The following RAB3C variants were observed in gnomAD, a reference collection of about 807,000 sequenced individuals.
RAB3C encodes the protein ras-related protein Rab-3C.
RAB3C carries 17 observed loss-of-function variants against 26.4 expected under a neutral mutation model. The ratio of observed to expected loss-of-function variants is 0.64; its 90% CI spans 0.44 to 0.97. The LOEUF (loss-of-function observed/expected upper bound fraction) is 0.97. Ranked by LOEUF, RAB3C falls within the 50% of genes least tolerant of loss-of-function variation. The pLI is 0.00. For missense variants in RAB3C, 242 were observed against 281.9 expected (o/e 0.86, Z 1.01); for synonymous variants, 91 against 95.9 (o/e 0.95, Z 0.30).
At chr5:58,733,583 C>T (rs746237086) in intron 3 of RAB3C, among the ~76,000 whole-genome samples, 1 of 152,174 alleles carries the variant, frequency 6.6e-6, no homozygotes, top group Non-Finnish European at 1.5e-5. Flanking sequence ...TTTTTAAAAA[C>T]ACAGTATTCT....
chr5:58,761,272 T>C (rs1741792606), intron 3 of RAB3C, among the ~76,000 whole-genome samples: 1 of 152,346 alleles, frequency 6.6e-6, no homozygotes, highest in African/African-American at 2.4e-5. Context: ...TAAAATATAT[T>C]GAAGATAATT....
chr5:58,693,753 C>A (rs1454651975), intron 2 of RAB3C, among the ~76,000 whole-genome samples: 5 of 152,140 alleles, frequency 3.3e-5, no homozygotes, highest in Admixed American at 3.3e-4. Flanking sequence ...AACCCAGTGA[C>A]CAGAACATGC....
chr5:58,700,308 G>A (rs961692343), intron 2 of RAB3C, among the ~76,000 whole-genome samples: 2 of 152,148 alleles, frequency 1.3e-5, no homozygotes, highest in South Asian at 2.1e-4. Flanking sequence ...GAAACTTCCA[G>A]GTAATATTAA....
At chr5:58,583,032 T>C, upstream of RAB3C, 1 of 1,441,692 alleles carries the variant, frequency 6.9e-7, no homozygotes, top group South Asian at 1.5e-5. Flanking sequence ...TGCACGGGGC[T>C]CCTCGGCAGT....
intron 3 of RAB3C, among the ~76,000 whole-genome samples, chr5:58,805,784 G>C (rs879645001): frequency 6.6e-6 from 1 of 152,038 alleles, no homozygotes; most frequent in African/African-American, 2.4e-5. Flanking sequence ...AGTTGGCAAA[G>C]GTGAGGAGGT....
chr5:58,604,594 G>C (rs775995576), intron 1 of RAB3C, among the ~76,000 whole-genome samples: 1 of 152,110 alleles, frequency 6.6e-6, no homozygotes, highest in Non-Finnish European at 1.5e-5. Context: ...GGGGAAAGCC[G>C]GTAGTCACAG....
intron 2 of RAB3C, among the ~76,000 whole-genome samples, chr5:58,629,104 G>T (rs376189334): frequency 7.4e-6 from 1 of 135,802 alleles, no homozygotes; most frequent in South Asian, 2.4e-4. Flanking sequence ...CACTTGAAAA[G>T]AATATTACTT....
In RAB3C at chr5:58,855,291, C is replaced by G. The variant is rs950833091; in HGVS notation, c.*3940C>G. On this transcript the variant is annotated 3_prime_UTR_variant, in exon 5 of 5. Coordinates refer to ENST00000282878, the MANE Select transcript of RAB3C (RefSeq NM_138453.4). ...ATTTATAAAAAAGTCATAACTAAAACCCTTCTAGACCAAAAAGTTACTGTG... is the reference window on the plus strand; with the variant it reads ...ATTTATAAAAAAGTCATAACTAAAAGCCTTCTAGACCAAAAAGTTACTGTG... 1.3e-5 allele frequency: 2 copies of G among 152,124 alleles called. No individual in the cohort carries two copies. The highest frequency in any genetic ancestry group is 1.5e-5 in the Non-Finnish European group (1 of 68,020). 9.4% of individuals were successfully genotyped at this position (152,124 alleles called of 1,614,324 possible). A position where few individuals can be genotyped will look rare whatever the true frequency, so the allele number is the denominator to read the frequency against.
intron 2 of RAB3C, among the ~76,000 whole-genome samples, chr5:58,660,451 T>G (rs1459984508): frequency 1.3e-5 from 2 of 150,206 alleles, no homozygotes; most frequent in Non-Finnish European, 2.9e-5. Flanking sequence ...GTAAATAGAC[T>G]TGCAAAGATG....
chr5:58,596,861 A>ATTATATTTAATATATAATACATAATAT (rs1561260221), intron 1 of RAB3C, among the ~76,000 whole-genome samples: 78 of 26,320 alleles, frequency 3.0e-3, no homozygotes, highest in African/African-American at 0.01. Flanking sequence ...CATAATATAT[A>ATTATATTTAATATATAATACATAATAT]ATATTATATT....
intron 2 of RAB3C, among the ~76,000 whole-genome samples, chr5:58,710,645 G>T (rs1433727135): frequency 7.7e-6 from 1 of 129,960 alleles, no homozygotes; most frequent in Non-Finnish European, 1.7e-5. Context: ...TAAATAAATA[G>T]AAATTTTAAA....
chr5:58,605,321 C>T (rs772439274), intron 1 of RAB3C, among the ~76,000 whole-genome samples: 12 of 152,120 alleles, frequency 7.9e-5, no homozygotes, highest in Non-Finnish European at 1.0e-4. Flanking sequence ...GTCCTGCCTC[C>T]CATGCACCAT....
At chr5:58,719,293 G>A (rs1489152499) in intron 2 of RAB3C, among the ~76,000 whole-genome samples, 2 of 152,002 alleles carry the variant, frequency 1.3e-5, no homozygotes, top group African/African-American at 4.8e-5. Flanking sequence ...TTTTTGAAGA[G>A]TTTCATTTAA....
At chr5:58,620,957 A>G (rs1458858915) in intron 2 of RAB3C, among the ~76,000 whole-genome samples, 1 of 146,366 alleles carries the variant, frequency 6.8e-6, no homozygotes, top group African/African-American at 2.5e-5. Context: ...ATGCTATAAT[A>G]TAAGTGTGCT....
chr5:58,787,167 C>T (rs1048945599), intron 3 of RAB3C, among the ~76,000 whole-genome samples: 1 of 152,216 alleles, frequency 6.6e-6, no homozygotes, highest in African/African-American at 2.4e-5. Flanking sequence ...TGGGAAGCCC[C>T]GGGAGCTCAG....
At chr5:58,829,958 T>C (rs1743575726) in intron 4 of RAB3C, among the ~76,000 whole-genome samples, 1 of 152,176 alleles carries the variant, frequency 6.6e-6, no homozygotes, top group Non-Finnish European at 1.5e-5. Flanking sequence ...GTATCTTCCC[T>C]CTCACGGAGC....
rs556829262 is a variant in RAB3C, at chr5:58,695,587, CTT to C, written c.253-30412_253-30411del. 2.4e-4 allele frequency among the ~76,000 whole-genome samples: 37 copies of C among 152,274 alleles called. No homozygotes were observed. In the East Asian group the frequency reaches 6.4e-3, roughly 26 times the overall value. Reference sequence around the variant, plus strand: ...ATATTCTTCCATTTGTTTGTGTCCTCTTTTATTTCGTTGAGCAGTGGTTTGTA... The same window carrying C: ...ATATTCTTCCATTTGTTTGTGTCCTCTTATTTCGTTGAGCAGTGGTTTGTA... On this transcript the variant is annotated intron_variant, in intron 2 of 4. Transcript: ENST00000282878.
chr5:58,830,277 A>T (rs1375662273), intron 4 of RAB3C, among the ~76,000 whole-genome samples: 3 of 152,198 alleles, frequency 2.0e-5, no homozygotes, highest in African/African-American at 7.2e-5. Flanking sequence ...TACTAATGGA[A>T]CCAATTATCT....
intron 4 of RAB3C, among the ~76,000 whole-genome samples, chr5:58,837,564 T>TTTA (rs1358905980): frequency 6.7e-6 from 1 of 149,198 alleles, no homozygotes; most frequent in Non-Finnish European, 1.5e-5. Context: ...TCTCTTTTTT[T>TTTA]TTTTTTTTTT....
Sources: gnomAD v4.1 joint callset for allele counts (sites outside exome capture counted in the v4.1 genomes callset) on GRCh38, gnomAD v4.1.1 for gene constraint, MANE v1.5 for transcripts, NCBI Gene and HGNC (gene_info 2026-07-23, HGNC 2026-07-21) for gene names.